ARSB: variants seen among roughly 807,000 people sequenced by gnomAD.
The protein encoded by ARSB is N-acetylgalactosamine-4-sulfatase.
In ARSB, 41 loss-of-function variants were observed where a neutral mutation model predicts 50.9. That is an observed-to-expected ratio of 0.81 (90% CI 0.63 to 1.04). ARSB has a LOEUF of 1.04. Among genes scored for constraint, ARSB ranks in the 50% least tolerant of loss-of-function variants. The probability of loss-of-function intolerance (pLI) is 0.00; values close to 1 mark genes in which losing one functional copy is unlikely to be tolerated. For missense variants in ARSB, 672 were observed against 693.3 expected (o/e 0.97, Z 0.35); for synonymous variants, 269 against 284.8 (o/e 0.94, Z 0.56).
intron 4 of ARSB, among the ~76,000 whole-genome samples, chr5:78,895,656 A>T (rs138453335): frequency 8.1e-4 from 123 of 152,366 alleles, no homozygotes; most frequent in African/African-American, 2.6e-3. Flanking sequence ...AGTATGCCTC[A>T]TGTGCCCTGC....
In ARSB at chr5:78,964,550, C is replaced by T. The variant is rs867585406; in HGVS notation, c.556G>A (p.Ala186Thr). The T allele has an allele frequency of 3.7e-6, 6 of 1,613,956 alleles. No homozygotes were observed. The highest frequency in any genetic ancestry group is 2.2e-5 in the East Asian group (1 of 44,874). ...YSHERCTLID[A>T]LNVTRCALDF... is the part of the protein sequence containing the mutation. ...AGAGCACATCGTGTGACATTCAGAGCGTCAATTAATGTACAGCGTTCATGG... is the reference window on the plus strand; with the variant it reads ...AGAGCACATCGTGTGACATTCAGAGTGTCAATTAATGTACAGCGTTCATGG... The change falls in exon 3 of 8, where the codon GCT (alanine) becomes ACT (threonine). Residue 186 changes from alanine to threonine, a missense_variant. Transcript: ENST00000264914.
intron 6 of ARSB, among the ~76,000 whole-genome samples, chr5:78,817,861 A>G (rs1744060863): frequency 6.6e-6 from 1 of 151,820 alleles, no homozygotes; most frequent in African/African-American, 2.4e-5. Context: ...ATATACAACT[A>G]AGGGCTGGGC....
intron 5 of ARSB, among the ~76,000 whole-genome samples, chr5:78,852,566 T>C (rs970196402): frequency 6.6e-6 from 1 of 152,178 alleles, no homozygotes; most frequent in Non-Finnish European, 1.5e-5. Flanking sequence ...AGTATCTTTG[T>C]GGCATTTTCT....
chr5:78,944,720 G>C (rs1032671654), intron 4 of ARSB, among the ~76,000 whole-genome samples: 3 of 152,188 alleles, frequency 2.0e-5, no homozygotes, highest in African/African-American at 7.2e-5. Context: ...GGCTACTCGG[G>C]GGTCAGGGAC....
intron 4 of ARSB, among the ~76,000 whole-genome samples, chr5:78,896,048 T>G (rs1370145660): frequency 1.3e-5 from 2 of 152,204 alleles, no homozygotes; most frequent in Non-Finnish European, 2.9e-5. Flanking sequence ...GCGGTTCTTG[T>G]GCCCAGTATA....
intron 5 of ARSB, among the ~76,000 whole-genome samples, chr5:78,877,636 G>A (rs549348598): frequency 5.9e-5 from 9 of 152,198 alleles, no homozygotes; most frequent in South Asian, 4.2e-4. Context: ...TGATCCACCC[G>A]CCTTGGCCTC....
Position 78,894,243 on chromosome 5 carries a change from A to C in ARSB, c.899-8416T>G, listed in dbSNP as rs192885873. Among the ~76,000 whole-genome samples, 5 of 152,342 alleles carry C rather than the reference A, an allele frequency of 3.3e-5. No individual in the cohort carries two copies. In the East Asian group the frequency reaches 5.8e-4, roughly 18 times the overall value. ...TGTACTAACAACTTGCGTGGTGAGA[A>C]AGATGGAAATTTATGTCAATGTGTT... is the stretch of plus-strand genomic sequence containing the variant. On this transcript the variant is annotated intron_variant, in intron 4 of 7. Transcript: ENST00000264914.
At chr5:78,943,645 C>T (rs904810629) in intron 4 of ARSB, among the ~76,000 whole-genome samples, 26 of 152,304 alleles carry the variant, frequency 1.7e-4, no homozygotes, top group African/African-American at 4.3e-4. Context: ...GCCGAGAGAC[C>T]GACTGTTAGT....
chr5:78,825,263 A>C (rs1744386135), intron 6 of ARSB, among the ~76,000 whole-genome samples: 1 of 152,332 alleles, frequency 6.6e-6, no homozygotes, highest in African/African-American at 2.4e-5. Flanking sequence ...TGTAGTTCTT[A>C]GCTTTTCTTA....
intron 5 of ARSB, among the ~76,000 whole-genome samples, chr5:78,879,720 C>T (rs779642583): frequency 6.6e-5 from 10 of 152,170 alleles, no homozygotes; most frequent in African/African-American, 7.2e-5. Context: ...ACACAACAGA[C>T]GTCAATGTGA....
At chr5:78,942,816 T>G (rs530576670) in intron 4 of ARSB, among the ~76,000 whole-genome samples, 1 of 152,154 alleles carries the variant, frequency 6.6e-6, no homozygotes, top group Admixed American at 6.5e-5. Context: ...CAGAGCTGAG[T>G]TCAATTCCTG....
intron 5 of ARSB, among the ~76,000 whole-genome samples, chr5:78,860,242 T>G (rs886473089): frequency 1.3e-5 from 2 of 152,178 alleles, no homozygotes; most frequent in Non-Finnish European, 2.9e-5. Context: ...CTCCCATTAT[T>G]ATTGTGTGGG....
intron 5 of ARSB, among the ~76,000 whole-genome samples, chr5:78,854,149 T>C (rs967331949): frequency 7.9e-5 from 12 of 152,236 alleles, no homozygotes; most frequent in Non-Finnish European, 1.2e-4. Flanking sequence ...CCGTCTTCTG[T>C]GTCGCTCACG....
Position 78,984,680 on chromosome 5 carries a change from A to G in ARSB, c.312+257T>C, listed in dbSNP as rs563275917. Among the ~76,000 whole-genome samples, 21 of 152,126 alleles carry G rather than the reference A, an allele frequency of 1.4e-4. No homozygotes were observed. In the East Asian group the frequency reaches 4.1e-3, roughly 30 times the overall value. On this transcript the variant is annotated intron_variant, in intron 1 of 7. Coordinates refer to ENST00000264914, the MANE Select transcript of ARSB (RefSeq NM_000046.5). Reference sequence around the variant, plus strand: ...CCTTCGCCCGGAGCTTCAGAAAACGAAAGACAAAGCCACCCGCCCAACCCG... The same window carrying G: ...CCTTCGCCCGGAGCTTCAGAAAACGGAAGACAAAGCCACCCGCCCAACCCG...
intron 5 of ARSB, 57 bp from the exon 6 acceptor site, chr5:78,839,483 T>C: frequency 1.4e-6 from 2 of 1,439,162 alleles, no homozygotes; most frequent in South Asian, 2.3e-5. Flanking sequence ...GCATGAATTA[T>C]TTTAATACTT....
At chr5:78,903,202 T>C (rs992385640) in intron 4 of ARSB, among the ~76,000 whole-genome samples, 1 of 152,146 alleles carries the variant, frequency 6.6e-6, no homozygotes, top group Non-Finnish European at 1.5e-5. Flanking sequence ...GGAGATCTCA[T>C]TGCAAGTAAG....
chr5:78,937,889 C>T (rs337843), intron 4 of ARSB, among the ~76,000 whole-genome samples: 120,303 of 152,102 alleles, frequency 0.79, 48,075 homozygotes, highest in African/African-American at 0.91. Flanking sequence ...AGAACTCAAA[C>T]ATGAGGATGA....
intron 6 of ARSB, among the ~76,000 whole-genome samples, chr5:78,821,519 T>C (rs1744222317): frequency 6.6e-6 from 1 of 152,202 alleles, no homozygotes; most frequent in Non-Finnish European, 1.5e-5. Flanking sequence ...AGTAAATGAA[T>C]GGAAATTGAA....
intron 2 of ARSB, among the ~76,000 whole-genome samples, chr5:78,966,135 G>T (rs998813547): frequency 2.0e-5 from 3 of 152,178 alleles, no homozygotes; most frequent in African/African-American, 7.2e-5. Flanking sequence ...CTATCAGTTA[G>T]CAGAATATAG....
Sources: allele counts gnomAD v4.1 joint callset (sites outside exome capture counted in the v4.1 genomes callset), GRCh38; gene constraint gnomAD v4.1.1; transcripts MANE v1.5; gene names NCBI Gene and HGNC (gene_info 2026-07-23, HGNC 2026-07-21).